The following CLCC1 variants were observed in gnomAD, a reference collection of about 807,000 sequenced individuals.
CLCC1 encodes chloride channel CLIC like 1, also known as chloride channel CLIC-like protein 1.
A neutral mutation model predicts 63.3 loss-of-function variants in CLCC1; 39 were observed. That is an observed-to-expected ratio of 0.62 (90% CI 0.48 to 0.81). The LOEUF (loss-of-function observed/expected upper bound fraction) is 0.81, where lower values mean the gene tolerates loss of function less well. Ranked by LOEUF, CLCC1 falls within the 30% of genes least tolerant of loss-of-function variation. CLCC1 has a pLI of 0.00. For synonymous variants in CLCC1, 217 were observed against 239.8 expected, an observed-to-expected ratio of 0.90 and a Z score of 0.88; for missense variants, 549 against 669.4, an observed-to-expected ratio of 0.82 and a Z score of 1.98.
At chr1:108,959,927 C>T (rs992338153) in intron 2 of CLCC1, among the ~76,000 whole-genome samples, 4 of 152,120 alleles carry the variant, frequency 2.6e-5, no homozygotes, top group East Asian at 1.9e-4. Flanking sequence ...CCCAGGAGTT[C>T]GACACCAGCC....
rs533490964 is a variant in CLCC1 at position 108,954,163 on chromosome 1, G to A, written c.-11-3715C>T. ...ATGCTTCAGCAATTGCAATTGCGAG[G>A]ATGGATACGGTGAGAGGTAGAGGTG... On this transcript the variant is annotated intron_variant, in intron 2 of 12. Transcript: ENST00000369969. Among the ~76,000 whole-genome samples the A allele has an allele frequency of 9.3e-5, 14 of 151,316 alleles. No individual in the cohort carries two copies. In the East Asian group the frequency reaches 2.1e-3, roughly 23 times the overall value.
At position 108,929,559 on chromosome 1, in the gene CLCC1, A is replaced by C. The variant is rs761682246; in HGVS notation, c.*2988T>G. ...AATCAGGCTGGGAACTAAAGAGAAC[A>C]ATATAAAAACAAAGATTAATTTCTG... On this transcript the variant is annotated 3_prime_UTR_variant, in exon 13 of 13. Transcript: ENST00000369969. 2.1e-5 allele frequency: 15 copies of C among 730,492 alleles called. No individual in the cohort carries two copies. Among genetic ancestry groups the C allele is most frequent in the Admixed American group, 9.7e-5 (4 of 41,174 alleles). 45.3% of individuals were successfully genotyped at this position (730,492 alleles called of 1,614,324 possible).
chr1:108,939,445 T>A (rs984044997), intron 10 of CLCC1, among the ~76,000 whole-genome samples, 191 bp downstream of exon 10: 3 of 151,392 alleles, frequency 2.0e-5, no homozygotes, highest in Admixed American at 6.6e-5. Flanking sequence ...TAGCTGGGAC[T>A]ACAGGCGCCC....
At chr1:108,943,351 G>A (rs1312088150) in intron 7 of CLCC1, 124 bp downstream of exon 7, 10 of 893,622 alleles carry the variant, frequency 1.1e-5, no homozygotes, top group South Asian at 5.0e-5. Context: ...CCTCTCCAGC[G>A]TGGGCCACCT....
At chr1:108,937,968 A>C (rs560296645) in intron 10 of CLCC1, among the ~76,000 whole-genome samples, 1 of 152,166 alleles carries the variant, frequency 6.6e-6, no homozygotes, top group South Asian at 2.1e-4. Flanking sequence ...GAGATCTATG[A>C]GATCAAAACT....
In CLCC1 at chr1:108,943,908, CTTAAAA is replaced by C; in HGVS notation, c.483_488del (p.Asn161_Phe162del). On this transcript the variant is annotated inframe_deletion, in exon 6 of 13. Coordinates refer to ENST00000369969, the MANE Select transcript of CLCC1 (RefSeq NM_001377458.1). ...ACTTCCATGTTTCAAAATCATGAAA[CTTAAAA>C]TTAATTAAAATATCACTTAGTGCAT... 9.9e-6 allele frequency: 16 copies of C among 1,613,894 alleles called. No homozygotes were observed. Among genetic ancestry groups the C allele is most frequent in the Non-Finnish European group, 1.4e-5 (16 of 1,179,858 alleles).
In CLCC1 at chr1:108,931,778, C is replaced by CA. The variant is rs1177255178; in HGVS notation, c.*768_*769insT. On this transcript the variant is annotated 3_prime_UTR_variant, in exon 13 of 13. Transcript: ENST00000369969. The stretch of plus-strand genomic sequence containing the variant: ...AATTCAGTTAAGACAATATACCAAA[C>CA]CACAACGTAAAAAGTTTGTGTATAC... 3.1e-5 allele frequency: 7 copies of CA among 227,512 alleles called. No homozygotes were observed. The East Asian group carries it at 6.6e-4, about 21-fold the overall frequency. The allele number at this position is 227,512 out of a possible 1,614,324, so 14.1% of individuals were successfully genotyped here. A position where few individuals can be genotyped will look rare whatever the true frequency, so the allele number is the denominator to read the frequency against.
chr1:108,952,837 G>A (rs997907004), intron 2 of CLCC1, among the ~76,000 whole-genome samples: 8 of 151,236 alleles, frequency 5.3e-5, no homozygotes, highest in Admixed American at 1.3e-4. Context: ...GGGAATTTAC[G>A]ATTCAAATGC....
At chr1:108,959,310 C>T (rs1288803332) in intron 2 of CLCC1, among the ~76,000 whole-genome samples, 1 of 151,742 alleles carries the variant, frequency 6.6e-6, no homozygotes, top group Admixed American at 6.6e-5. Context: ...GCTGAGAGCA[C>T]ACCACCGTAC....
In CLCC1 at chr1:108,943,602, AGAC is replaced by A. The variant is rs1654131420; in HGVS notation, c.572_574del (p.Cys191del). 1 of 1,586,866 alleles carries A rather than the reference AGAC, an allele frequency of 6.3e-7. No individual in the cohort carries two copies. The highest frequency in any genetic ancestry group is 1.6e-5 in the African/African-American group (1 of 63,682). On this transcript the variant is annotated inframe_deletion, in exon 7 of 13. Coordinates refer to ENST00000369969, the MANE Select transcript of CLCC1 (RefSeq NM_001377458.1). The stretch of plus-strand genomic sequence containing the variant: ...AGCCACTAAAACCACGATGCAGAGC[AGAC>A]AAAGAAGTACCTTAAAACAGAGAGA...
At position 108,939,596 on chromosome 1, in the gene CLCC1, AC is replaced by A. The variant is rs755264419; in HGVS notation, c.1041+39del. On this transcript the variant is annotated intron_variant, in intron 10 of 12. Coordinates refer to ENST00000369969, the MANE Select transcript of CLCC1 (RefSeq NM_001377458.1). ...AGTGCTGGGATTACAGGCGTGAGCC[AC>A]CGCGCCTGGCCCGACAGTGCTAATA... The A allele has an allele frequency of 3.1e-6, 5 of 1,589,156 alleles. No homozygotes were observed. The African/African-American group carries it at 6.7e-5, about 21-fold the overall frequency.
chr1:108,960,143 A>G (rs1656438884), intron 2 of CLCC1, among the ~76,000 whole-genome samples: 1 of 152,194 alleles, frequency 6.6e-6, no homozygotes, highest in Admixed American at 6.5e-5. Context: ...CAATTAAAAA[A>G]CAAACAAACA....
intron 2 of CLCC1, among the ~76,000 whole-genome samples, chr1:108,957,276 T>C (rs1656040953): frequency 1.3e-5 from 2 of 151,574 alleles, no homozygotes; most frequent in African/African-American, 4.9e-5. Flanking sequence ...CTCTGTGAAG[T>C]ATGGCCACGT....
intron 2 of CLCC1, among the ~76,000 whole-genome samples, chr1:108,952,230 G>A (rs976652959): frequency 1.0e-5 from 1 of 96,332 alleles, no homozygotes; most frequent in Non-Finnish European, 2.6e-5. Flanking sequence ...CCAGGCTAGA[G>A]TGCAATGGCG....
intron 10 of CLCC1, 139 bp from the exon 11 acceptor site, chr1:108,937,557 G>C: frequency 1.3e-6 from 1 of 742,532 alleles, no homozygotes; most frequent in East Asian, 3.0e-5. Flanking sequence ...ATGTTAATTT[G>C]ACTTTTTTTC....
chr1:108,947,796 C>A, intron 4 of CLCC1, 78 bp from the exon 5 acceptor site: 1 of 931,230 alleles, frequency 1.1e-6, no homozygotes, highest in South Asian at 1.6e-5. Flanking sequence ...CTAGTGCTGT[C>A]ATCGGAATCA....
At chr1:108,947,335 C>G (rs1320616288) in intron 5 of CLCC1, among the ~76,000 whole-genome samples, 1 of 152,160 alleles carries the variant, frequency 6.6e-6, no homozygotes, top group African/African-American at 2.4e-5. Flanking sequence ...CCCACCTCCT[C>G]ACCTCCATTA....
chr1:108,938,069 C>T (rs1327445590), intron 10 of CLCC1, among the ~76,000 whole-genome samples: 4 of 152,202 alleles, frequency 2.6e-5, no homozygotes, highest in East Asian at 1.9e-4. Context: ...GTGACAGCCT[C>T]ACTCAGACTC....
intron 7 of CLCC1, among the ~76,000 whole-genome samples, chr1:108,941,791 T>C (rs968730626): frequency 2.0e-5 from 3 of 151,976 alleles, no homozygotes; most frequent in Non-Finnish European, 2.9e-5. Flanking sequence ...GTAGCTGGGA[T>C]TAAAGGTGCC....
Sources: gnomAD v4.1 joint callset for allele counts (sites outside exome capture counted in the v4.1 genomes callset) on GRCh38, gnomAD v4.1.1 for gene constraint, MANE v1.5 for transcripts, NCBI Gene and HGNC (gene_info 2026-07-23, HGNC 2026-07-21) for gene names.